GNAL: variants seen among roughly 807,000 people sequenced by gnomAD.
GNAL encodes guanine nucleotide-binding protein G(olf) subunit alpha.
A neutral mutation model predicts 55.1 loss-of-function variants in GNAL; 18 were observed. The ratio of observed to expected loss-of-function variants is 0.33; its 90% CI spans 0.23 to 0.48. The LOEUF (loss-of-function observed/expected upper bound fraction) is 0.48, where lower values mean the gene tolerates loss of function less well. Among genes scored for constraint, GNAL ranks in the 20% least tolerant of loss-of-function variants. The pLI is 0.99. For synonymous variants in GNAL, 253 were observed against 237.0 expected (o/e 1.07, Z -0.62); for missense variants, 412 against 614.1 (o/e 0.67, Z 3.48).
At chr18:11,835,194 T>C (rs774082390) in intron 5 of GNAL, among the ~76,000 whole-genome samples, 18 of 152,238 alleles carry the variant, frequency 1.2e-4, no homozygotes, top group Non-Finnish European at 4.4e-5. Flanking sequence ...TGAAGAAATA[T>C]TGATTCTTAG....
chr18:11,833,491 T>A (rs1184600927), intron 5 of GNAL: 2 of 152,254 alleles, frequency 1.3e-5, no homozygotes, highest in African/African-American at 4.8e-5. Context: ...ACATGTTTCT[T>A]TTATTCTCCT....
intron 5 of GNAL, among the ~76,000 whole-genome samples, chr18:11,844,936 GCTCACTGCAACCTCCGC>G (rs1464656684): frequency 6.6e-6 from 1 of 151,958 alleles, no homozygotes; most frequent in Non-Finnish European, 1.5e-5. Flanking sequence ...TGTGATCTTG[GCTCACTGCAACCTCCGC>G]CTCCTGGGTT....
intron 4 of GNAL, among the ~76,000 whole-genome samples, chr18:11,784,937 CAA>C (rs1377347195): frequency 2.0e-5 from 3 of 152,156 alleles, no homozygotes; most frequent in Admixed American, 6.5e-5. Flanking sequence ...GGGGAATAAA[CAA>C]GAGGAATTAC....
intron 1 of GNAL, among the ~76,000 whole-genome samples, chr18:11,725,501 G>A (rs982756698): frequency 6.6e-6 from 1 of 150,672 alleles, no homozygotes; most frequent in Non-Finnish European, 1.5e-5. Context: ...TCTAGTAAAC[G>A]AATATATCAT....
At chr18:11,870,110 C>A (rs1255905207) in intron 9 of GNAL, among the ~76,000 whole-genome samples, 1 of 152,160 alleles carries the variant, frequency 6.6e-6, no homozygotes, top group Non-Finnish European at 1.5e-5. Context: ...TATAAGGGAG[C>A]CTCCTCAAAT....
intron 7 of GNAL, among the ~76,000 whole-genome samples, chr18:11,865,690 G>T (rs1029500190): frequency 3.4e-5 from 5 of 145,610 alleles, no homozygotes; most frequent in Non-Finnish European, 7.4e-5. Flanking sequence ...AGGAATTCAA[G>T]GCTGCAGTGG....
At chr18:11,789,464 A>G (rs1256882454) in intron 4 of GNAL, among the ~76,000 whole-genome samples, 1 of 152,208 alleles carries the variant, frequency 6.6e-6, no homozygotes, top group African/African-American at 2.4e-5. Flanking sequence ...TACTTTAATT[A>G]AGCATTTTCT....
intron 1 of GNAL, among the ~76,000 whole-genome samples, chr18:11,696,910 G>T (rs941987623): frequency 6.6e-6 from 1 of 152,142 alleles, no homozygotes; most frequent in Non-Finnish European, 1.5e-5. Context: ...GTATGTGATG[G>T]TTAGAGCACA....
At chr18:11,713,000 G>T (rs1344628113) in intron 1 of GNAL, among the ~76,000 whole-genome samples, 1 of 152,200 alleles carries the variant, frequency 6.6e-6, no homozygotes, top group African/African-American at 2.4e-5. Context: ...CCCAGCCCAT[G>T]AACACCATAT....
rs201099340 is a variant in GNAL, at chr18:11,869,213, G to A, written c.1031+550G>A. Among the ~76,000 whole-genome samples, 5 of 151,468 alleles carry A rather than the reference G, an allele frequency of 3.3e-5. No individual in the cohort carries two copies. The East Asian group carries it at 7.8e-4, about 24-fold the overall frequency. ...GGCTGGAGTGCAGTGGCGCCATCTCGGCCCACTGCAAGCTCCACCTCCCGG... is the reference window on the plus strand; with the variant it reads ...GGCTGGAGTGCAGTGGCGCCATCTCAGCCCACTGCAAGCTCCACCTCCCGG... On this transcript the variant is annotated intron_variant, in intron 9 of 11. Coordinates refer to ENST00000334049, the MANE Select transcript of GNAL (RefSeq NM_182978.4).
intron 1 of GNAL, among the ~76,000 whole-genome samples, chr18:11,732,725 G>A (rs1234816766): frequency 6.6e-6 from 1 of 152,226 alleles, no homozygotes; most frequent in African/African-American, 2.4e-5. Context: ...TACAAATGGA[G>A]GAGGGATAGA....
intron 5 of GNAL, among the ~76,000 whole-genome samples, chr18:11,840,809 G>C (rs2035597082): frequency 6.6e-6 from 1 of 152,052 alleles, no homozygotes; most frequent in African/African-American, 2.4e-5. Flanking sequence ...CATGTTGAAT[G>C]CACTTTGTCC....
chr18:11,730,200 C>T (rs2032306772), intron 1 of GNAL, among the ~76,000 whole-genome samples: 1 of 150,390 alleles, frequency 6.6e-6, no homozygotes, highest in African/African-American at 2.5e-5. Context: ...CCCTCTGTCA[C>T]CCAAGCTGGA....
chr18:11,730,550 G>A (rs544012095), intron 1 of GNAL, among the ~76,000 whole-genome samples: 1 of 151,988 alleles, frequency 6.6e-6, no homozygotes, highest in African/African-American at 2.4e-5. Context: ...GATCACCTGA[G>A]GTCAGGAGTT....
At chr18:11,779,557 C>T (rs2033873913) in intron 4 of GNAL, among the ~76,000 whole-genome samples, 1 of 152,188 alleles carries the variant, frequency 6.6e-6, no homozygotes, top group African/African-American at 2.4e-5. Flanking sequence ...TCACTCTGAC[C>T]TAGCTCCAAG....
chr18:11,721,515 G>A (rs2032092322), intron 1 of GNAL, among the ~76,000 whole-genome samples: 1 of 151,994 alleles, frequency 6.6e-6, no homozygotes, highest in Admixed American at 6.5e-5. Context: ...TAGCACTTTG[G>A]GAGGTCGAGG....
chr18:11,836,093 T>C (rs1262042), intron 5 of GNAL, among the ~76,000 whole-genome samples: 149,367 of 152,086 alleles, frequency 0.98, 73,401 homozygotes, highest in East Asian at 1. Flanking sequence ...CTGCAGTGAG[T>C]AATGATCATG....
At chr18:11,824,860 C>A in intron 4 of GNAL, 58 bp from the exon 5 acceptor site, 3 of 927,296 alleles carry the variant, frequency 3.2e-6, no homozygotes, top group East Asian at 2.5e-5. Context: ...TTCCTTTTAA[C>A]TTTTTAAAAG....
Position 11,689,397 on chromosome 18 carries a change from C to T in GNAL, c.-167C>T, listed in dbSNP as rs2031161125. The T allele has an allele frequency of 2.8e-6, 1 of 361,158 alleles. No homozygotes were observed. The highest frequency in any genetic ancestry group is 4.7e-5 in the Admixed American group (1 of 21,314). The allele number at this position is 361,158 out of a possible 1,614,324, so 22.4% of individuals were successfully genotyped here. The stretch of plus-strand genomic sequence containing the variant: ...TGTGGCCCTCGGCCCCGGCCTGCCG[C>T]ACCCCCTTCCCGCAGCTGGCGGCCG... On this transcript the variant is annotated 5_prime_UTR_variant, in exon 1 of 12. Transcript: ENST00000334049.
Sources: gnomAD v4.1 joint callset for allele counts (sites outside exome capture counted in the v4.1 genomes callset) on GRCh38, gnomAD v4.1.1 for gene constraint, MANE v1.5 for transcripts, NCBI Gene and HGNC (gene_info 2026-07-23, HGNC 2026-07-21) for gene names.